Variants in SCARA5 observed in about 807,000 individuals in gnomAD.
The protein encoded by SCARA5 is scavenger receptor class A member 5.
A neutral mutation model predicts 46.3 loss-of-function variants in SCARA5; 45 were observed. The ratio of observed to expected loss-of-function variants is 0.97; its 90% CI spans 0.76 to 1.24. The LOEUF (loss-of-function observed/expected upper bound fraction) is 1.24, where lower values mean the gene tolerates loss of function less well. Ranked by LOEUF, SCARA5 falls within the 50% of genes most tolerant of loss-of-function variation. SCARA5 has a pLI of 0.00. For synonymous variants in SCARA5, 333 were observed against 306.5 expected (o/e 1.09, Z -0.90); for missense variants, 680 against 689.0 (o/e 0.99, Z 0.15).
chr8:27,918,594 A>G (rs570629054), intron 4 of SCARA5, among the ~76,000 whole-genome samples: 171 of 150,130 alleles, frequency 1.1e-3, no homozygotes, highest in African/African-American at 3.9e-3. Context: ...AAGGAAGAAG[A>G]GGAGGAGAAG....
chr8:27,889,787 GT>G (rs1225275511), intron 7 of SCARA5, among the ~76,000 whole-genome samples: 1 of 152,232 alleles, frequency 6.6e-6, no homozygotes, highest in Non-Finnish European at 1.5e-5. Flanking sequence ...CCATTGCTGA[GT>G]TTGCATTTGA....
chr8:27,974,218 C>T (rs769117800), intron 2 of SCARA5, among the ~76,000 whole-genome samples: 6 of 152,142 alleles, frequency 3.9e-5, no homozygotes, highest in East Asian at 1.9e-4. Flanking sequence ...TGGAAGTCAA[C>T]GCAAAGCCTG....
At chr8:27,926,591 A>C (rs565026477) in intron 3 of SCARA5, among the ~76,000 whole-genome samples, 2 of 152,342 alleles carry the variant, frequency 1.3e-5, no homozygotes, top group South Asian at 4.1e-4. Flanking sequence ...AAGTATAATA[A>C]AAAATTAATA....
intron 3 of SCARA5, among the ~76,000 whole-genome samples, chr8:27,932,695 C>G (rs1164219110): frequency 6.6e-6 from 1 of 152,240 alleles, no homozygotes; most frequent in Non-Finnish European, 1.5e-5. Flanking sequence ...ATGGCGCAAT[C>G]TCGGCTCACT....
At chr8:27,887,192 C>T (rs1196674191) in intron 7 of SCARA5, among the ~76,000 whole-genome samples, 1 of 152,134 alleles carries the variant, frequency 6.6e-6, no homozygotes, top group Non-Finnish European at 1.5e-5. Context: ...TGCGAGGCAC[C>T]TTCACCTCCT....
At chr8:27,974,022 C>A (rs1014185323) in intron 2 of SCARA5, among the ~76,000 whole-genome samples, 6 of 152,134 alleles carry the variant, frequency 3.9e-5, no homozygotes, top group Admixed American at 1.3e-4. Flanking sequence ...CATTAAAGAA[C>A]AGGAAAGTTT....
intron 3 of SCARA5, among the ~76,000 whole-genome samples, chr8:27,960,841 C>CATAAATAGA (rs1452970940): frequency 6.7e-6 from 1 of 148,926 alleles, no homozygotes; most frequent in East Asian, 2.0e-4. Context: ...GTTAAAAAAA[C>CATAAATAGA]ATAAATAGAA....
intron 8 of SCARA5, among the ~76,000 whole-genome samples, chr8:27,873,232 T>G (rs751753673): frequency 6.6e-6 from 1 of 152,074 alleles, no homozygotes; most frequent in Non-Finnish European, 1.5e-5. Flanking sequence ...CTAATCCCGC[T>G]CGAAGCAGCC....
intron 2 of SCARA5, among the ~76,000 whole-genome samples, chr8:27,975,472 G>A (rs6988256): frequency 0.044 from 6,747 of 151,814 alleles, 508 homozygotes; most frequent in African/African-American, 0.15. Flanking sequence ...AAGTGGGTGC[G>A]GGGTGGGAGC....
intron 2 of SCARA5, among the ~76,000 whole-genome samples, chr8:27,978,360 T>A (rs1159585796): frequency 6.6e-6 from 1 of 151,970 alleles, no homozygotes; most frequent in Non-Finnish European, 1.5e-5. Context: ...CCTTTTAAGG[T>A]GGCTGCTAAG....
intron 8 of SCARA5, among the ~76,000 whole-genome samples, chr8:27,876,459 T>C (rs2727011): frequency 0.98 from 149,422 of 152,208 alleles, 73,400 homozygotes; most frequent in East Asian, 1. Context: ...CAACCTGATG[T>C]GGGGAGGGGG....
At chr8:27,944,251 G>A (rs147205924) in intron 3 of SCARA5, among the ~76,000 whole-genome samples, 2,149 of 152,270 alleles carry the variant, frequency 0.014, 22 homozygotes, top group Non-Finnish European at 0.023. Context: ...GACATTCTTG[G>A]AGCAACGGAA....
At chr8:27,949,726 G>A (rs1405881011) in intron 3 of SCARA5, among the ~76,000 whole-genome samples, 2 of 152,334 alleles carry the variant, frequency 1.3e-5, no homozygotes, top group South Asian at 2.1e-4. Context: ...CACGGTACCC[G>A]GAGCTGGATG....
chr8:27,936,912 C>A (rs17058308), intron 3 of SCARA5, among the ~76,000 whole-genome samples: 2,338 of 152,230 alleles, frequency 0.015, 27 homozygotes, highest in African/African-American at 0.026. Flanking sequence ...GTCTGTGACA[C>A]CTTACTGCTG....
chr8:27,881,902 G>A (rs1438489862), intron 7 of SCARA5, among the ~76,000 whole-genome samples: 1 of 152,078 alleles, frequency 6.6e-6, no homozygotes, highest in African/African-American at 2.4e-5. Flanking sequence ...TTTACATTTG[G>A]GTTCACTTTT....
intron 6 of SCARA5, among the ~76,000 whole-genome samples, chr8:27,905,549 C>T: frequency 7.5e-6 from 1 of 132,606 alleles, no homozygotes; most frequent in African/African-American, 2.7e-5. Flanking sequence ...AAAAGGCAGC[C>T]ATATACATAT....
intron 2 of SCARA5, among the ~76,000 whole-genome samples, chr8:27,983,874 TC>T (rs1808660576): frequency 6.6e-6 from 1 of 152,098 alleles, no homozygotes; most frequent in Non-Finnish European, 1.5e-5. Flanking sequence ...CCTCCCCTGA[TC>T]CCACTATCCC....
chr8:27,915,246 T>C (rs1807442368), intron 4 of SCARA5, among the ~76,000 whole-genome samples: 1 of 152,300 alleles, frequency 6.6e-6, no homozygotes, highest in Admixed American at 6.5e-5. Flanking sequence ...AGGCAGGCAC[T>C]GTCAGCCCCA....
At chr8:27,925,652 G>A (rs1349412995) in intron 3 of SCARA5, among the ~76,000 whole-genome samples, 2 of 152,112 alleles carry the variant, frequency 1.3e-5, no homozygotes, top group African/African-American at 4.8e-5. Context: ...TGCTCAGGGT[G>A]AGCACGCAAC....
Sources: gnomAD v4.1 joint callset for allele counts (sites outside exome capture counted in the v4.1 genomes callset) on GRCh38, gnomAD v4.1.1 for gene constraint, MANE v1.5 for transcripts, NCBI Gene and HGNC (gene_info 2026-07-23, HGNC 2026-07-21) for gene names.